TAF1: variants seen among roughly 807,000 people sequenced by gnomAD.
TAF1 encodes the protein TATA-box binding protein associated factor 1.
TAF1 carries 2 observed loss-of-function variants against 138.5 expected under a neutral mutation model. The observed-to-expected ratio is 0.01, with a 90% CI of 0.01 to 0.05. The LOEUF (loss-of-function observed/expected upper bound fraction) is 0.05. Among genes scored for constraint, TAF1 ranks in the 10% least tolerant of loss-of-function variants. The probability of loss-of-function intolerance (pLI) is 1.00; values close to 1 mark genes in which losing one functional copy is unlikely to be tolerated. For missense variants in TAF1, 709 were observed against 1,478.0 expected (o/e 0.48, Z 8.53); for synonymous variants, 437 against 503.2 (o/e 0.87, Z 1.76).
intron 13 of TAF1, among the ~76,000 whole-genome samples, chrX:71,526,081 T>C (rs2039994187): frequency 8.9e-6 from 1 of 111,752 alleles, no homozygotes; most frequent in African/African-American, 3.2e-5. Context: ...GTAGCATATT[T>C]AATAGTGACT....
intron 32 of TAF1, among the ~76,000 whole-genome samples, chrX:71,445,776 G>A (rs1360265193): frequency 8.9e-6 from 1 of 111,922 alleles, no homozygotes; most frequent in African/African-American, 3.2e-5. Context: ...CTCTTTTCAT[G>A]TTAGTACATA....
intron 32 of TAF1, among the ~76,000 whole-genome samples, chrX:71,448,349 T>C (rs1224582732): frequency 8.9e-6 from 1 of 112,102 alleles, no homozygotes; most frequent in East Asian, 2.8e-4. Flanking sequence ...TCCTGATTGC[T>C]CCAGAATGTA....
Position 71,377,099 on chromosome X carries a change from C to G in TAF1, c.622C>G (p.Leu208Val). 8.3e-7 allele frequency: 1 copy of G among 1,211,625 alleles called. No individual in the cohort carries two copies. Among genetic ancestry groups the G allele is most frequent in the Non-Finnish European group, 1.1e-6 (1 of 895,564 alleles). ...ATQAESEDGK[L>V]TLPLAGIMQH... ...ACAGGCAGAATCTGAAGATGGAAAG[C>G]TGACCCTTCCATTGGCTGGGATTAT... Residue 208 changes from leucine (L) to valine (V), a missense_variant, in exon 5 of 38, where the codon CTG becomes GTG. Coordinates refer to ENST00000423759, the MANE Select transcript of TAF1 (RefSeq NM_004606.5).
chrX:71,460,519 C>T, intron 36 of TAF1, 107 bp from the exon 37 acceptor site: 1 of 924,820 alleles, frequency 1.1e-6, no homozygotes, highest in South Asian at 2.4e-5. Context: ...AGGCAAGATA[C>T]CTGTGTAGAT....
downstream of TAF1, among the ~76,000 whole-genome samples, chrX:71,470,264 C>T (rs2147483214): frequency 9.0e-6 from 1 of 110,578 alleles, no homozygotes; most frequent in South Asian, 3.9e-4. Flanking sequence ...ATGTTTTGTG[C>T]ACCATGACTG....
chrX:71,460,621 T>C lies in TAF1; in HGVS notation c.5222-5T>C, dbSNP rs2038510890. ...TGATGACCCAGAATCTGTCTCTTTT[T>C]ACAGCTATCCAGCTGAGTGAAAGTG... On this transcript the variant is annotated splice_region_variant and splice_polypyrimidine_tract_variant and intron_variant, in intron 36 of 37. Transcript: ENST00000423759. 2 of 1,210,774 alleles carry C rather than the reference T, an allele frequency of 1.7e-6. No individual in the cohort carries two copies. The highest frequency in any genetic ancestry group is 2.2e-6 in the Non-Finnish European group (2 of 895,011).
At chrX:71,384,726 A>G (rs2034112377) in intron 13 of TAF1, among the ~76,000 whole-genome samples, 2 of 111,744 alleles carry the variant, frequency 1.8e-5, no homozygotes, top group Admixed American at 9.6e-5. Context: ...CTTTTTGAGC[A>G]CTATGATGAT....
intron 20 of TAF1, 80 bp from the exon 21 acceptor site, chrX:71,393,221 G>T: frequency 9.6e-7 from 1 of 1,039,719 alleles, no homozygotes; most frequent in South Asian, 2.4e-5. Flanking sequence ...ATCCCTGAAT[G>T]ATTTGTGTGT....
At chrX:71,508,705 GAGAT>G (rs1361718518) in intron 13 of TAF1, among the ~76,000 whole-genome samples, 1 of 107,353 alleles carries the variant, frequency 9.3e-6, no homozygotes, top group Admixed American at 1.0e-4. Context: ...GTAGAGCTAA[GAGAT>G]AGAAGATATA....
rs1476293130 is a variant in TAF1, at chrX:71,398,520, G to T, written c.3621-52G>T. The stretch of plus-strand genomic sequence containing the variant: ...CTATCACGATAGTCTTCTTGGTTAA[G>T]GTTTGCTTATGGTCCTGTGATTTTT... On this transcript the variant is annotated intron_variant, in intron 23 of 37. Coordinates refer to ENST00000423759, the MANE Select transcript of TAF1 (RefSeq NM_004606.5). 5.0e-6 allele frequency: 6 copies of T among 1,191,537 alleles called. No individual in the cohort carries two copies. In the Admixed American group the frequency reaches 9.2e-5, roughly 18 times the overall value.
At chrX:71,444,970 T>C (rs974847552) in intron 32 of TAF1, among the ~76,000 whole-genome samples, 13 of 110,013 alleles carry the variant, frequency 1.2e-4, no homozygotes, top group Admixed American at 8.8e-4. Context: ...CCTCGTGATC[T>C]GCCCGCCTCA....
intron 18 of TAF1, among the ~76,000 whole-genome samples, chrX:71,391,326 G>T (rs1032405568): frequency 9.0e-6 from 1 of 111,331 alleles, no homozygotes; most frequent in Non-Finnish European, 1.9e-5. Context: ...GTAAAGAATC[G>T]TTGTACTACT....
chrX:71,391,129 G>A (rs2034539434), intron 18 of TAF1, among the ~76,000 whole-genome samples: 1 of 111,770 alleles, frequency 8.9e-6, no homozygotes, highest in Non-Finnish European at 1.9e-5. Flanking sequence ...ACTGTGCCTG[G>A]CCTCTACTTT....
intron 13 of TAF1, among the ~76,000 whole-genome samples, chrX:71,477,943 G>T (rs754801879): frequency 9.2e-6 from 1 of 108,942 alleles, no homozygotes; most frequent in Non-Finnish European, 1.9e-5. Context: ...GCAGTGAGCC[G>T]AGATCACACC....
chrX:71,380,100 C>T (rs1477763909), intron 8 of TAF1, among the ~76,000 whole-genome samples: 1 of 110,850 alleles, frequency 9.0e-6, no homozygotes, highest in African/African-American at 3.3e-5. Context: ...TGGAGATTAT[C>T]AACTGTTAAG....
chrX:71,441,149 C>G (rs1195643289), intron 32 of TAF1, among the ~76,000 whole-genome samples: 1 of 110,786 alleles, frequency 9.0e-6, no homozygotes, highest in Non-Finnish European at 1.9e-5. Context: ...GATCCTCCCA[C>G]CTCAGCCTCC....
chrX:71,479,381 G>A (rs746930498), intron 13 of TAF1, among the ~76,000 whole-genome samples: 3 of 111,679 alleles, frequency 2.7e-5, no homozygotes, highest in African/African-American at 9.8e-5. Context: ...AGATCAGCCT[G>A]GGCAATATGG....
chrX:71,503,277 A>ATAT (rs1556030877), intron 13 of TAF1, among the ~76,000 whole-genome samples: 16 of 90,166 alleles, frequency 1.8e-4, no homozygotes, highest in Non-Finnish European at 2.9e-4. Context: ...TCAAAAAAAA[A>ATAT]ATATATATAT....
At chrX:71,410,919 A>G (rs1371425064) in intron 28 of TAF1, among the ~76,000 whole-genome samples, 1 of 110,699 alleles carries the variant, frequency 9.0e-6, no homozygotes, top group Non-Finnish European at 1.9e-5. Flanking sequence ...AGTAACTGGG[A>G]TTATAGGCAT....
Sources: gnomAD v4.1 joint callset for allele counts (sites outside exome capture counted in the v4.1 genomes callset) on GRCh38, gnomAD v4.1.1 for gene constraint, MANE v1.5 for transcripts, NCBI Gene and HGNC (gene_info 2026-07-23, HGNC 2026-07-21) for gene names.